SHOC1: variants seen among roughly 807,000 people sequenced by gnomAD.
SHOC1 encodes the protein protein shortage in chiasmata 1 ortholog.
SHOC1 carries 136 observed loss-of-function variants against 179.2 expected under a neutral mutation model. The ratio of observed to expected loss-of-function variants is 0.76; its 90% confidence interval spans 0.66 to 0.87. SHOC1 has a LOEUF of 0.87. SHOC1 is among the 40% of genes least tolerant of loss of function. SHOC1 has a pLI of 0.00. For synonymous variants in SHOC1, 489 were observed against 586.6 expected, an observed-to-expected ratio of 0.83 and a Z score of 2.41; for missense variants, 1,538 against 1,700.8, an observed-to-expected ratio of 0.90 and a Z score of 1.68.
At chr9:111,719,820 A>G (rs906540607) in intron 15 of SHOC1, among the ~76,000 whole-genome samples, 11 of 152,178 alleles carry the variant, frequency 7.2e-5, no homozygotes, top group Non-Finnish European at 1.2e-4. Context: ...TGGGCACTCT[A>G]CATGGAAGAA....
chr9:111,736,378 T>C (rs1199551361), intron 12 of SHOC1, among the ~76,000 whole-genome samples: 1 of 152,064 alleles, frequency 6.6e-6, no homozygotes, highest in Non-Finnish European at 1.5e-5. Context: ...CAAGGACTAA[T>C]GGGACAGAAG....
intron 24 of SHOC1, among the ~76,000 whole-genome samples, chr9:111,696,660 AT>A (rs5899963): frequency 0.38 from 57,872 of 152,014 alleles, 12,267 homozygotes; most frequent in East Asian, 0.61. Context: ...TATTTGGATC[AT>A]GCCCTCCATG....
chr9:111,735,046 C>T (rs1833754849), intron 12 of SHOC1, among the ~76,000 whole-genome samples: 1 of 152,084 alleles, frequency 6.6e-6, no homozygotes, highest in South Asian at 2.1e-4. Context: ...GTTTAGCTCC[C>T]ACTAGAACAT....
chr9:111,714,866 C>T (rs34502318), intron 16 of SHOC1, among the ~76,000 whole-genome samples: 8,689 of 152,248 alleles, frequency 0.057, 631 homozygotes, highest in African/African-American at 0.17. Flanking sequence ...TCTCTAAATA[C>T]ATAACCTATC....
intron 21 of SHOC1, among the ~76,000 whole-genome samples, 162 bp from the exon 22 acceptor site, chr9:111,704,154 A>AT (rs1284584120): frequency 2.0e-5 from 3 of 152,132 alleles, no homozygotes; most frequent in East Asian, 1.9e-4. Context: ...TAAAGTTATG[A>AT]TTTTTTCAGT....
Position 111,702,147 on chromosome 9 carries a change from T to C in SHOC1, c.3047A>G (p.Tyr1016Cys), listed in dbSNP as rs1311443023. The C allele has an allele frequency of 6.7e-7, 1 of 1,486,134 alleles. No individual in the cohort carries two copies. Among genetic ancestry groups the C allele is most frequent in the East Asian group, 2.3e-5 (1 of 43,740 alleles). 92.1% of individuals were successfully genotyped at this position (1,486,134 alleles called of 1,614,324 possible). The change falls in exon 23 of 28, where the codon TAT becomes TGT. Residue 1016 changes from tyrosine to cysteine, a missense_variant. By Grantham distance (194) the Tyr-to-Cys change is radical. Coordinates refer to ENST00000682961, the MANE Select transcript of SHOC1 (RefSeq NM_001378211.1). ...RLMALSLQYR[Y>C]CWIILYTKET... ...TTTGGTATATAAAATTATCCAACAA[T>C]ATCTGTACTGTAATGATAATGCCAT...
chr9:111,705,306 CA>C lies in SHOC1; in HGVS notation c.2795del (p.Val932GlyfsTer18), dbSNP rs1308552212. 3.8e-5 allele frequency: 61 copies of C among 1,592,726 alleles called. No homozygotes were observed. Among genetic ancestry groups the C allele is most frequent in the Non-Finnish European group, 5.1e-5 (60 of 1,169,960 alleles). On this transcript the variant is annotated frameshift_variant, in exon 21 of 28. Coordinates refer to ENST00000682961, the MANE Select transcript of SHOC1 (RefSeq NM_001378211.1). LOFTEE classifies it high-confidence loss of function. ...GFLLEIQIPY[V>X]FFASEGLLNT... ...TAAGAAGTCCTTCAGATGCAAAAAACACATATGGAATCTGAATTTCCAAAAG... is the reference window on the plus strand; with the variant it reads ...TAAGAAGTCCTTCAGATGCAAAAAACCATATGGAATCTGAATTTCCAAAAG...
At chr9:111,755,016 A>T (rs1242897706) in intron 8 of SHOC1, among the ~76,000 whole-genome samples, 2 of 152,162 alleles carry the variant, frequency 1.3e-5, no homozygotes, top group Admixed American at 6.5e-5. Context: ...TATTGTTGTG[A>T]CAACCCAAAG....
chr9:111,769,986 G>GTCTTTGTTTTATTTTTTTTTTTCTTT (rs1835522070), intron 5 of SHOC1, among the ~76,000 whole-genome samples: 1 of 77,662 alleles, frequency 1.3e-5, no homozygotes, highest in Non-Finnish European at 2.4e-5. Context: ...TTTTTTTTTT[G>GTCTTTGTTTTATTTTTTTTTTTCTTT]TTTTTTTTTT....
At chr9:111,788,135 C>T (rs1836330123) in intron 2 of SHOC1, among the ~76,000 whole-genome samples, 1 of 141,160 alleles carries the variant, frequency 7.1e-6, no homozygotes, top group African/African-American at 2.6e-5. Flanking sequence ...GGCGTGGTCT[C>T]GGCTCACTGC....
At chr9:111,726,672 T>C (rs936193590) in intron 13 of SHOC1, among the ~76,000 whole-genome samples, 3 of 152,204 alleles carry the variant, frequency 2.0e-5, no homozygotes, top group Admixed American at 6.5e-5. Flanking sequence ...ATTAATAGTA[T>C]ATGAGACAGT....
chr9:111,687,164 T>C (rs1831214025), intron 27 of SHOC1, among the ~76,000 whole-genome samples: 1 of 152,012 alleles, frequency 6.6e-6, no homozygotes, highest in Non-Finnish European at 1.5e-5. Context: ...GGCAGGCTAG[T>C]CTCAAACTCC....
At chr9:111,687,376 C>A (rs1036402733) in intron 27 of SHOC1, among the ~76,000 whole-genome samples, 1 of 152,132 alleles carries the variant, frequency 6.6e-6, no homozygotes, top group African/African-American at 2.4e-5. Context: ...AACATAAATG[C>A]CTCTGTACCT....
Position 111,693,816 on chromosome 9 carries a change from G to A in SHOC1, c.3448C>T (p.Pro1150Ser). ...TAACTAACCTTTAACACTTTTTCTG[G>A]GACTTCAGGTAGGAGTTCCTGAAGT... is the stretch of plus-strand genomic sequence containing the variant. ...CQLQELLPEV[P>S]EKVLKHFCSI... is the part of the protein sequence containing the mutation. The change falls in exon 26 of 28, where the codon CCA becomes TCA. Residue 1150 changes from proline (P) to serine (S), a missense_variant. Transcript: ENST00000682961. 2 of 1,605,832 alleles carry A rather than the reference G, an allele frequency of 1.2e-6. No homozygotes were observed.
intron 5 of SHOC1, among the ~76,000 whole-genome samples, chr9:111,768,225 T>TA (rs1190068136): frequency 6.7e-6 from 1 of 148,186 alleles, no homozygotes; most frequent in East Asian, 2.0e-4. Context: ...TTTTGTATGT[T>TA]AAATTTTTTT....
chr9:111,725,123 T>A (rs949144108), intron 13 of SHOC1, among the ~76,000 whole-genome samples: 9 of 152,190 alleles, frequency 5.9e-5, no homozygotes. Context: ...TGGTTAAAAA[T>A]ATAATAATGG....
At chr9:111,740,526 G>A (rs548797777) in intron 11 of SHOC1, among the ~76,000 whole-genome samples, 1 of 152,278 alleles carries the variant, frequency 6.6e-6, no homozygotes, top group South Asian at 2.1e-4. Context: ...CATGTGAAAT[G>A]TATAACCTCA....
chr9:111,690,890 C>T (rs546725455), intron 27 of SHOC1, among the ~76,000 whole-genome samples: 2 of 152,306 alleles, frequency 1.3e-5, no homozygotes, highest in African/African-American at 2.4e-5. Context: ...AGCTTCCCCC[C>T]GCCCTCCCCT....
At chr9:111,722,788 T>G (rs1833125062) in intron 14 of SHOC1, among the ~76,000 whole-genome samples, 1 of 152,118 alleles carries the variant, frequency 6.6e-6, no homozygotes. Flanking sequence ...ATTATATAAT[T>G]TTATGGCTAT....
Sources: allele counts gnomAD v4.1 joint callset (sites outside exome capture counted in the v4.1 genomes callset), GRCh38; gene constraint gnomAD v4.1.1; transcripts MANE v1.5; gene names NCBI Gene and HGNC (gene_info 2026-07-23, HGNC 2026-07-21).